The following FYN variants were observed in gnomAD, a reference collection of about 807,000 sequenced individuals.
FYN encodes the protein FYN proto-oncogene, Src family tyrosine kinase.
FYN carries 10 observed loss-of-function variants against 70.2 expected under a neutral mutation model. That is an observed-to-expected ratio of 0.14 (90% confidence interval 0.09 to 0.24). The LOEUF is 0.24. Ranked by LOEUF, FYN falls within the 10% of genes least tolerant of loss-of-function variation. The pLI is 1.00. For missense variants in FYN, 319 were observed against 673.1 expected (o/e 0.47, Z 5.82); for synonymous variants, 236 against 248.6 (o/e 0.95, Z 0.48).
At chr6:111,704,454 C>T (rs979144014) in intron 6 of FYN, among the ~76,000 whole-genome samples, 1 of 152,188 alleles carries the variant, frequency 6.6e-6, no homozygotes, top group African/African-American at 2.4e-5. Flanking sequence ...CCTTTCCACA[C>T]TTATCTAAAA....
chr6:111,689,730 C>T (rs1799218993), intron 12 of FYN, among the ~76,000 whole-genome samples: 1 of 152,010 alleles, frequency 6.6e-6, no homozygotes, highest in Non-Finnish European at 1.5e-5. Context: ...CAAAACTTAC[C>T]AATCTATGGT....
At chr6:111,742,349 T>G (rs940305015) in intron 3 of FYN, among the ~76,000 whole-genome samples, 2 of 152,104 alleles carry the variant, frequency 1.3e-5, no homozygotes, top group Non-Finnish European at 2.9e-5. Flanking sequence ...CATCTTCCAG[T>G]GTAGAAAAAA....
intron 5 of FYN, among the ~76,000 whole-genome samples, chr6:111,710,760 A>G (rs1462655595): frequency 1.3e-5 from 2 of 152,206 alleles, no homozygotes; most frequent in Non-Finnish European, 2.9e-5. Context: ...TCACCTATAA[A>G]TAGATATACT....
At chr6:111,807,136 ATTTAT>A (rs546839870) in intron 2 of FYN, among the ~76,000 whole-genome samples, 2 of 152,164 alleles carry the variant, frequency 1.3e-5, no homozygotes, top group African/African-American at 4.8e-5. Flanking sequence ...CTACTGAGGG[ATTTAT>A]TTTAACAGAG....
intron 10 of FYN, 101 bp downstream of exon 10, chr6:111,696,176 G>T: frequency 9.5e-7 from 1 of 1,054,660 alleles, no homozygotes; most frequent in Non-Finnish European, 1.3e-6. Context: ...ACTTGACCCA[G>T]GCAGAAACTA....
chr6:111,747,709 G>A (rs751356117), intron 3 of FYN, among the ~76,000 whole-genome samples: 2 of 152,230 alleles, frequency 1.3e-5, no homozygotes, highest in African/African-American at 4.8e-5. Flanking sequence ...GGGTGGAGCC[G>A]GATTCAATTC....
intron 1 of FYN, among the ~76,000 whole-genome samples, chr6:111,869,519 T>C (rs1250013146): frequency 6.6e-6 from 1 of 152,120 alleles, no homozygotes; most frequent in Non-Finnish European, 1.5e-5. Context: ...GCCTCTTGAG[T>C]AGCTGGGACC....
At chr6:111,720,085 C>T (rs1215037143) in intron 3 of FYN, 23 bp from the exon 4 acceptor site, 1 of 1,561,142 alleles carries the variant, frequency 6.4e-7, no homozygotes, top group East Asian at 2.3e-5. Flanking sequence ...AAAAAGGGGG[C>T]ACGTAAGCTG....
chr6:111,863,294 T>C (rs1222721762), intron 1 of FYN, among the ~76,000 whole-genome samples: 1 of 152,248 alleles, frequency 6.6e-6, no homozygotes, highest in Non-Finnish European at 1.5e-5. Flanking sequence ...CTTATGTGCA[T>C]GTATGTGCCT....
intron 3 of FYN, among the ~76,000 whole-genome samples, chr6:111,758,364 G>A (rs953878684): frequency 6.6e-6 from 1 of 152,136 alleles, no homozygotes; most frequent in Non-Finnish European, 1.5e-5. Flanking sequence ...AATGATGTGC[G>A]TGACTATCTC....
intron 2 of FYN, among the ~76,000 whole-genome samples, chr6:111,824,945 T>G (rs1772785487): frequency 6.6e-6 from 1 of 152,236 alleles, no homozygotes. Flanking sequence ...TGTTTAAAGT[T>G]TTCATTACTT....
intron 12 of FYN, among the ~76,000 whole-genome samples, chr6:111,686,875 C>T (rs969715674): frequency 9.9e-5 from 15 of 151,984 alleles, no homozygotes; most frequent in Middle Eastern, 6.8e-3. Flanking sequence ...GGAAAGCTGG[C>T]GCTCTGAGTC....
At chr6:111,866,613 A>T (rs552106087) in intron 1 of FYN, among the ~76,000 whole-genome samples, 1 of 152,334 alleles carries the variant, frequency 6.6e-6, no homozygotes, top group Admixed American at 6.5e-5. Flanking sequence ...AAGTGCTGGG[A>T]TTACAGGCGT....
intron 2 of FYN, among the ~76,000 whole-genome samples, chr6:111,829,797 C>A (rs147936024): frequency 6.6e-6 from 1 of 152,176 alleles, no homozygotes; most frequent in Non-Finnish European, 1.5e-5. Context: ...AGACATGCCA[C>A]GGATACATGC....
chr6:111,784,463 A>T (rs377752562), intron 2 of FYN, among the ~76,000 whole-genome samples: 1 of 152,222 alleles, frequency 6.6e-6, no homozygotes, highest in Admixed American at 6.5e-5. Flanking sequence ...CTGACCCCAT[A>T]GTATTTCCAG....
intron 1 of FYN, among the ~76,000 whole-genome samples, chr6:111,871,541 G>A (rs1774273146): frequency 6.6e-6 from 1 of 152,176 alleles, no homozygotes; most frequent in Admixed American, 6.5e-5. Context: ...TTCAATAAAA[G>A]GGTAAAACAA....
At chr6:111,681,438 G>A (rs1180174581) in intron 12 of FYN, among the ~76,000 whole-genome samples, 1 of 152,200 alleles carries the variant, frequency 6.6e-6, no homozygotes, top group Admixed American at 6.5e-5. Context: ...TGGGACTACA[G>A]ATGTGAGCCA....
At chr6:111,857,883 G>GCTGGCCT (rs1773864996) in intron 1 of FYN, among the ~76,000 whole-genome samples, 1 of 152,166 alleles carries the variant, frequency 6.6e-6, no homozygotes, top group African/African-American at 2.4e-5. Context: ...GAGTCTAGGT[G>GCTGGCCT]CTGGCCTCTG....
At chr6:111,776,617 T>G (rs1276906315) in intron 3 of FYN, among the ~76,000 whole-genome samples, 1 of 152,174 alleles carries the variant, frequency 6.6e-6, no homozygotes, top group East Asian at 1.9e-4. Flanking sequence ...CAGCTTTTGG[T>G]AAGAAAATAT....
Sources: allele counts gnomAD v4.1 joint callset (sites outside exome capture counted in the v4.1 genomes callset), GRCh38; gene constraint gnomAD v4.1.1; transcripts MANE v1.5; gene names NCBI Gene and HGNC (gene_info 2026-07-23, HGNC 2026-07-21).